The following MINK1 variants were observed in gnomAD, a reference collection of about 807,000 sequenced individuals.
MINK1 encodes the protein misshapen-like kinase 1.
Under a neutral mutation model 178.4 loss-of-function variants are expected in MINK1, and 46 were observed. The ratio of observed to expected loss-of-function variants is 0.26; its 90% CI spans 0.20 to 0.33. The LOEUF (loss-of-function observed/expected upper bound fraction) is 0.33, where lower values mean the gene tolerates loss of function less well. MINK1 is among the 10% of genes least tolerant of loss of function. The pLI, the probability that MINK1 is intolerant of heterozygous loss-of-function variation, is 1.00. For synonymous variants in MINK1, 797 were observed against 709.7 expected (o/e 1.12, Z -1.96); for missense variants, 1,366 against 1,814.9 (o/e 0.75, Z 4.49).
intron 5 of MINK1, 66 bp from the exon 6 acceptor site, chr17:4,884,846 C>G: frequency 7.1e-7 from 1 of 1,407,892 alleles, no homozygotes; most frequent in Non-Finnish European, 1.0e-6. Flanking sequence ...CCTCAACTCA[C>G]TCCCCACTTA....
chr17:4,839,092 C>A (rs186078415), intron 1 of MINK1, among the ~76,000 whole-genome samples: 1 of 152,080 alleles, frequency 6.6e-6, no homozygotes, highest in African/African-American at 2.4e-5. Flanking sequence ...TATAGGCGCC[C>A]GCCACAATGC....
chr17:4,894,824 A>G lies in MINK1; in HGVS notation c.2917+191A>G, dbSNP rs1182730736. On this transcript the variant is annotated intron_variant, in intron 24 of 31. Coordinates refer to ENST00000355280, the MANE Select transcript of MINK1 (RefSeq NM_153827.5). This position sits in a 1 kb window ranked among gnomAD's most constrained non-coding sequence, Gnocchi z 4.1. Reference sequence around the variant, plus strand: ...CTCCTTCCTGTCCCACAGGACAGGAAATGCTCAGAGTTGCCAGGGGACCTG... The same window carrying G: ...CTCCTTCCTGTCCCACAGGACAGGAGATGCTCAGAGTTGCCAGGGGACCTG... The G allele has an allele frequency of 1.6e-6, 1 of 637,398 alleles. No individual in the cohort carries two copies. Among genetic ancestry groups the G allele is most frequent in the African/African-American group, 1.8e-5 (1 of 54,612 alleles). The allele number at this position is 637,398 out of a possible 1,614,324, so 39.5% of individuals were successfully genotyped here.
Position 4,892,728 on chromosome 17 carries a change from C to T in MINK1, c.2271C>T (p.His757=). The change falls in exon 19 of 32, where the codon CAC becomes CAT. Residue 757 remains histidine (H), a synonymous_variant. Transcript: ENST00000355280. ...GCGTCCTTCCAGCCTCTCACGGGCA[C>T]CTCCCCCAGGCTGGCTCACTGGAGC... The part of the protein sequence containing the change: ...SDSVLPASHG[H]LPQAGSLERN... 6.2e-7 allele frequency: 1 copy of T among 1,612,030 alleles called. No homozygotes were observed. Among genetic ancestry groups the T allele is most frequent in the Non-Finnish European group, 8.5e-7 (1 of 1,179,552 alleles).
At chr17:4,873,557 A>G (rs1312480251) in intron 1 of MINK1, among the ~76,000 whole-genome samples, 2 of 150,072 alleles carry the variant, frequency 1.3e-5, no homozygotes, top group Non-Finnish European at 3.0e-5. Flanking sequence ...CCAATTCAAC[A>G]TTCAAACCCA....
chr17:4,888,822 TGAG>T (rs1036621752), intron 12 of MINK1, among the ~76,000 whole-genome samples: 2 of 151,258 alleles, frequency 1.3e-5, no homozygotes, highest in Non-Finnish European at 2.9e-5. Flanking sequence ...CTCAGCCTCC[TGAG>T]GAGCTGGGAT....
chr17:4,845,299 C>T (rs1014866382), intron 1 of MINK1, among the ~76,000 whole-genome samples: 5 of 152,090 alleles, frequency 3.3e-5, no homozygotes, highest in South Asian at 2.1e-4. Flanking sequence ...GTTTCTGTTC[C>T]GTATTCAGTT....
rs112548629 is a variant in MINK1 at position 4,897,976 on chromosome 17, C to T, written c.*689C>T. The T allele has an allele frequency of 2.5e-5, 1 of 39,448 alleles. No individual in the cohort carries two copies. 2.4% of individuals were successfully genotyped at this position (39,448 alleles called of 1,614,324 possible). A position where few individuals can be genotyped will look rare whatever the true frequency, so the allele number is the denominator to read the frequency against. On this transcript the variant is annotated 3_prime_UTR_variant, in exon 32 of 32. Coordinates refer to ENST00000355280, the MANE Select transcript of MINK1 (RefSeq NM_153827.5). ...TATATAGTGTGAGCAGCAAGTAACC[C>T]TTCTCCCTCCCCCCCCACCCCTCCT...
chr17:4,882,063 A>G (rs1169983162), intron 4 of MINK1, among the ~76,000 whole-genome samples: 1 of 152,234 alleles, frequency 6.6e-6, no homozygotes, highest in Non-Finnish European at 1.5e-5. Context: ...TTGGGAACAC[A>G]CACACTCATG....
chr17:4,890,208 A>AAC, intron 13 of MINK1: 1 of 518,760 alleles, frequency 1.9e-6, no homozygotes, highest in Non-Finnish European at 2.5e-6. Flanking sequence ...CCCACCCCAC[A>AAC]CCCCGTCCCC....
intron 1 of MINK1, chr17:4,875,623 T>G (rs1157141523): frequency 2.8e-6 from 1 of 362,286 alleles, no homozygotes; most frequent in African/African-American, 2.2e-5. Flanking sequence ...AAATACAAAA[T>G]TAGCTGGGCG....
At chr17:4,834,201 G>A (rs1461863021) in intron 1 of MINK1, among the ~76,000 whole-genome samples, 1 of 152,100 alleles carries the variant, frequency 6.6e-6, no homozygotes, top group African/African-American at 2.4e-5. Flanking sequence ...CCCATGTTCA[G>A]TTTTCCCTAT....
At chr17:4,846,753 C>A (rs1470631894) in intron 1 of MINK1, among the ~76,000 whole-genome samples, 1 of 152,164 alleles carries the variant, frequency 6.6e-6, no homozygotes, top group East Asian at 1.9e-4. Context: ...TTGCTGTAGC[C>A]TTGAACTCCT....
At chr17:4,861,632 C>A in intron 1 of MINK1, 2 of 269,986 alleles carry the variant, frequency 7.4e-6, no homozygotes, top group South Asian at 2.9e-5. Context: ...TCCCTAGTAG[C>A]TGAGATTACA....
At chr17:4,865,681 G>A (rs945564131) in intron 1 of MINK1, among the ~76,000 whole-genome samples, 12 of 142,988 alleles carry the variant, frequency 8.4e-5, no homozygotes, top group Admixed American at 2.2e-4. Context: ...CCAGAAGTTC[G>A]AGACCAGCCT....
Position 4,892,491 on chromosome 17 carries a change from C to T in MINK1, c.2177C>T (p.Pro726Leu). 1 of 1,561,978 alleles carries T rather than the reference C, an allele frequency of 6.4e-7. No individual in the cohort carries two copies. Among genetic ancestry groups the T allele is most frequent in the Non-Finnish European group, 8.7e-7 (1 of 1,153,462 alleles). The change falls in exon 18 of 32, where the codon CCT becomes CTT. Residue 726 changes from proline to leucine, a missense_variant. By Grantham distance (98) the Pro-to-Leu change is moderately conservative. Around this residue, in one of 14 missense-constraint regions of MINK1, gnomAD observed 709 missense variants for 692.3 expected, o/e 1.02. Coordinates refer to ENST00000355280, the MANE Select transcript of MINK1 (RefSeq NM_153827.5). ...CCTCCAGGGCCCCCTGCTCAGCCCCCTGGCCCGCCCAACGCCTCTAGGTAA... is the reference window on the plus strand; with the variant it reads ...CCTCCAGGGCCCCCTGCTCAGCCCCTTGGCCCGCCCAACGCCTCTAGGTAA... ...PKPPGPPAQP[P>L]GPPNASSNPD...
intron 1 of MINK1, among the ~76,000 whole-genome samples, chr17:4,852,601 TC>T (rs780561216): frequency 2.0e-5 from 3 of 149,416 alleles, no homozygotes; most frequent in Admixed American, 1.3e-4. Flanking sequence ...CTCTGCCTCA[TC>T]CCCACACCAG....
At position 4,895,019 on chromosome 17, in the gene MINK1, A is replaced by G. The variant is rs894625046; in HGVS notation, c.2918-56A>G. The G allele has an allele frequency of 8.8e-6, 14 of 1,586,860 alleles. No individual in the cohort carries two copies. Among genetic ancestry groups the G allele is most frequent in the Admixed American group, 1.7e-5 (1 of 58,578 alleles). ...ACCTGATATAGGGGATGGAGGTAAA[A>G]AGAGATGGGGTGAGAAGCTGCAGCC... On this transcript the variant is annotated intron_variant, in intron 24 of 31. Transcript: ENST00000355280. The surrounding 1 kb of genome is among the most constrained non-coding windows in gnomAD (Gnocchi z 4.3).
At chr17:4,861,681 A>C in intron 1 of MINK1, 1 of 312,196 alleles carries the variant, frequency 3.2e-6, no homozygotes, top group Non-Finnish European at 6.6e-6. Flanking sequence ...CTGTATTTTT[A>C]GTAGAGACAG....
intron 15 of MINK1, 70 bp downstream of exon 15, chr17:4,891,194 ACGCGCG>A: frequency 5.6e-6 from 6 of 1,068,530 alleles, no homozygotes; most frequent in Non-Finnish European, 7.8e-6. Flanking sequence ...GTACACACAC[ACGCGCG>A]CACACACACA....
Sources: allele counts gnomAD v4.1 joint callset (sites outside exome capture counted in the v4.1 genomes callset), GRCh38; gene constraint gnomAD v4.1.1; regional missense constraint gnomAD v4.1.1; non-coding constraint Gnocchi (gnomAD v3.1); transcripts MANE v1.5; gene names NCBI Gene and HGNC (gene_info 2026-07-23, HGNC 2026-07-21).